ENTREP2: variants seen among roughly 807,000 people sequenced by gnomAD.
ENTREP2 encodes the protein protein ENTREP2.
chr15:29,671,152 G>A, the ENTREP2 span, among the ~76,000 whole-genome samples: 1 of 152,230 alleles, frequency 6.6e-6, no homozygotes, highest in Non-Finnish European at 1.5e-5. Context: ...AGAACTTCCA[G>A]GTTGGCAAAC....
chr15:29,141,480 G>A, the ENTREP2 span, among the ~76,000 whole-genome samples: 1 of 152,308 alleles, frequency 6.6e-6, no homozygotes, highest in East Asian at 1.9e-4. Context: ...GCAGGCATCA[G>A]GGGTCTGTGG....
chr15:29,474,344 T>C, the ENTREP2 span, among the ~76,000 whole-genome samples: 2 of 152,088 alleles, frequency 1.3e-5, no homozygotes, highest in African/African-American at 2.4e-5. Flanking sequence ...GCACCCCTCC[T>C]GGGTAGGGGC....
chr15:29,585,491 T>G, the ENTREP2 span, among the ~76,000 whole-genome samples: 1 of 152,072 alleles, frequency 6.6e-6, no homozygotes, highest in African/African-American at 2.4e-5. Flanking sequence ...TAATCAAAAC[T>G]ATGGACGAGA....
At chr15:29,617,517 A>C in the ENTREP2 span, among the ~76,000 whole-genome samples, 11 of 152,192 alleles carry the variant, frequency 7.2e-5, no homozygotes, top group Non-Finnish European at 1.6e-4. Context: ...TAATCCAGTC[A>C]AGTTGACCTG....
the ENTREP2 span, among the ~76,000 whole-genome samples, chr15:29,422,229 C>T: frequency 6.6e-6 from 1 of 151,572 alleles, no homozygotes; most frequent in Non-Finnish European, 1.5e-5. Context: ...GAGGTCGCGC[C>T]ATTGCACTCC....
the ENTREP2 span, among the ~76,000 whole-genome samples, chr15:29,490,611 G>C: frequency 6.6e-6 from 1 of 152,184 alleles, no homozygotes. Flanking sequence ...ACAGAGTGCT[G>C]ATTGGTGTAT....
chr15:29,284,700 T>C, the ENTREP2 span, among the ~76,000 whole-genome samples: 4 of 152,112 alleles, frequency 2.6e-5, no homozygotes, highest in Non-Finnish European at 5.9e-5. Flanking sequence ...ACCAGGCAAC[T>C]ACAGAGAAAT....
At chr15:29,225,996 T>C in the ENTREP2 span, among the ~76,000 whole-genome samples, 1 of 152,148 alleles carries the variant, frequency 6.6e-6, no homozygotes, top group Non-Finnish European at 1.5e-5. Context: ...TGTCTGACAC[T>C]GTCCACCACA....
the ENTREP2 span, among the ~76,000 whole-genome samples, chr15:29,624,625 T>C: frequency 1.3e-5 from 2 of 152,190 alleles, no homozygotes; most frequent in Non-Finnish European, 2.9e-5. Flanking sequence ...AATTCTATAT[T>C]AAAGGAGAAG....
the ENTREP2 span, among the ~76,000 whole-genome samples, chr15:29,449,538 C>T: frequency 2.0e-5 from 3 of 152,086 alleles, no homozygotes; most frequent in African/African-American, 4.8e-5. Flanking sequence ...CTTTATAGGA[C>T]AAAAACCTCA....
At chr15:29,381,258 C>T in the ENTREP2 span, among the ~76,000 whole-genome samples, 2 of 150,242 alleles carry the variant, frequency 1.3e-5, no homozygotes, top group Non-Finnish European at 3.0e-5. Flanking sequence ...AGTTCCAGAC[C>T]AGCCTGGCCA....
At chr15:29,625,575 T>C in the ENTREP2 span, among the ~76,000 whole-genome samples, 1 of 152,022 alleles carries the variant, frequency 6.6e-6, no homozygotes, top group Non-Finnish European at 1.5e-5. Context: ...TTTGTATTTT[T>C]AGTGGAGACA....
chr15:29,651,936 T>C, the ENTREP2 span, among the ~76,000 whole-genome samples: 1 of 152,188 alleles, frequency 6.6e-6, no homozygotes, highest in Non-Finnish European at 1.5e-5. Context: ...AAGCCCCACC[T>C]TCTGGCTGGA....
At chr15:29,280,150 C>T in the ENTREP2 span, among the ~76,000 whole-genome samples, 1 of 152,192 alleles carries the variant, frequency 6.6e-6, no homozygotes, top group Non-Finnish European at 1.5e-5. Context: ...CTACAATGTT[C>T]AGTTCTATTA....
chr15:29,236,883 A>AGAAG, the ENTREP2 span, among the ~76,000 whole-genome samples: 4 of 152,062 alleles, frequency 2.6e-5, no homozygotes, highest in Non-Finnish European at 4.4e-5. Context: ...AATAAAAAAA[A>AGAAG]GAAGGAAGGA....
the ENTREP2 span, among the ~76,000 whole-genome samples, chr15:29,197,757 C>G: frequency 6.7e-6 from 1 of 148,744 alleles, no homozygotes; most frequent in African/African-American, 2.5e-5. Context: ...CAGAGCAAGA[C>G]TCCATCTCAA....
the ENTREP2 span, among the ~76,000 whole-genome samples, chr15:29,274,428 C>T: frequency 6.8e-6 from 1 of 147,418 alleles, no homozygotes; most frequent in Non-Finnish European, 1.5e-5. Flanking sequence ...TCAGAGCAAA[C>T]ATAGACATGG....
At chr15:29,617,571 G>A in the ENTREP2 span, among the ~76,000 whole-genome samples, 4 of 152,146 alleles carry the variant, frequency 2.6e-5, no homozygotes, top group African/African-American at 7.2e-5. Context: ...CTTCAGCTGC[G>A]ATATTAAGAA....
At chr15:29,461,019 T>C in the ENTREP2 span, among the ~76,000 whole-genome samples, 1 of 152,224 alleles carries the variant, frequency 6.6e-6, no homozygotes, top group Non-Finnish European at 1.5e-5. Context: ...ATAGAACATT[T>C]ATTCTATACA....
Sources: allele counts gnomAD v4.1 joint callset (sites outside exome capture counted in the v4.1 genomes callset), GRCh38; gene constraint gnomAD v4.1.1; transcripts MANE v1.5; gene names NCBI Gene and HGNC (gene_info 2026-07-23, HGNC 2026-07-21).